TASP1: variants seen among roughly 807,000 people sequenced by gnomAD.
TASP1 encodes the protein taspase 1.
Under a neutral mutation model 56.6 loss-of-function variants are expected in TASP1, and 16 were observed. That is an observed-to-expected ratio of 0.28 (90% CI 0.19 to 0.43). The LOEUF (loss-of-function observed/expected upper bound fraction) is 0.43. Ranked by LOEUF, TASP1 falls within the 20% of genes least tolerant of loss-of-function variation. TASP1 has a pLI of 1.00. For missense variants in TASP1, 393 were observed against 511.6 expected (o/e 0.77, Z 2.24); for synonymous variants, 179 against 184.2 (o/e 0.97, Z 0.23).
At chr20:13,557,402 A>T (rs1395831867) in intron 8 of TASP1, among the ~76,000 whole-genome samples, 6 of 152,112 alleles carry the variant, frequency 3.9e-5, no homozygotes, top group African/African-American at 1.4e-4. Context: ...CATTTACTGT[A>T]ATAAAAATCA....
chr20:13,240,797 G>A, the TASP1 span, among the ~76,000 whole-genome samples: 2 of 152,214 alleles, frequency 1.3e-5, no homozygotes, highest in African/African-American at 2.4e-5. Context: ...ACAGTTCTGA[G>A]ACAGAGCCAA....
At chr20:13,371,069 C>T in the TASP1 span, among the ~76,000 whole-genome samples, 59 of 152,060 alleles carry the variant, frequency 3.9e-4, no homozygotes, top group Non-Finnish European at 6.2e-4. Context: ...TTTTTCTTGG[C>T]CGTTCTAGCT....
chr20:13,110,141 G>A, the TASP1 span: 69 of 1,613,344 alleles, frequency 4.3e-5, no homozygotes, highest in Non-Finnish European at 5.3e-5. Context: ...GCTCCTGAGA[G>A]ATGCTGTCAT....
the TASP1 span, among the ~76,000 whole-genome samples, chr20:13,106,271 G>A: frequency 2.0e-5 from 3 of 152,126 alleles, no homozygotes; most frequent in African/African-American, 7.2e-5. Context: ...CAATTATTAG[G>A]TAATGATTGA....
chr20:13,326,997 G>A, the TASP1 span, among the ~76,000 whole-genome samples: 8 of 152,032 alleles, frequency 5.3e-5, no homozygotes, highest in East Asian at 1.9e-4. Context: ...AAGCATATGC[G>A]AATAGGAAGA....
At chr20:13,155,037 T>C in the TASP1 span, among the ~76,000 whole-genome samples, 4 of 151,730 alleles carry the variant, frequency 2.6e-5, no homozygotes, top group Admixed American at 2.6e-4. Flanking sequence ...AAAAATTAGG[T>C]GGGCATGGTG....
At chr20:13,550,988 T>C (rs968960928) in intron 8 of TASP1, among the ~76,000 whole-genome samples, 3 of 152,066 alleles carry the variant, frequency 2.0e-5, no homozygotes, top group African/African-American at 7.2e-5. Flanking sequence ...TTCAAGATGG[T>C]GGATAAAAGG....
At chr20:13,621,214 A>G (rs1319244595) in intron 4 of TASP1, among the ~76,000 whole-genome samples, 1 of 142,020 alleles carries the variant, frequency 7.0e-6, no homozygotes, top group African/African-American at 2.5e-5. Context: ...ACCTGAGCTC[A>G]AGAGTTCAAG....
chr20:13,516,861 C>A (rs968314963), intron 10 of TASP1, among the ~76,000 whole-genome samples: 1 of 152,034 alleles, frequency 6.6e-6, no homozygotes, highest in African/African-American at 2.4e-5. Flanking sequence ...GAAAGACTTA[C>A]CTTCCTTCCA....
At chr20:13,573,804 T>A (rs2147162072) in intron 6 of TASP1, among the ~76,000 whole-genome samples, 1 of 152,282 alleles carries the variant, frequency 6.6e-6, no homozygotes, top group South Asian at 2.1e-4. Context: ...AGGACAGTAA[T>A]CCTTGAGAGA....
chr20:13,214,182 A>T, the TASP1 span, among the ~76,000 whole-genome samples: 3 of 152,308 alleles, frequency 2.0e-5, no homozygotes, highest in East Asian at 3.9e-4. Flanking sequence ...ATGTAGGAGG[A>T]TCTCCTTACT....
intron 8 of TASP1, among the ~76,000 whole-genome samples, chr20:13,536,604 T>C (rs1304924227): frequency 6.6e-6 from 1 of 152,214 alleles, no homozygotes; most frequent in Non-Finnish European, 1.5e-5. Flanking sequence ...TGAGTTTTTA[T>C]TGACAGACAT....
chr20:13,615,755 G>A (rs866042339), intron 4 of TASP1, among the ~76,000 whole-genome samples: 3 of 151,874 alleles, frequency 2.0e-5, no homozygotes, highest in Admixed American at 6.6e-5. Context: ...CGCCCGTCTC[G>A]GCCTCCCAAA....
chr20:13,348,123 A>G, the TASP1 span, among the ~76,000 whole-genome samples: 54 of 152,328 alleles, frequency 3.5e-4, no homozygotes, highest in African/African-American at 1.3e-3. Flanking sequence ...AGACTACAAA[A>G]TACCCTACAA....
At chr20:13,220,664 G>A in the TASP1 span, among the ~76,000 whole-genome samples, 1 of 152,198 alleles carries the variant, frequency 6.6e-6, no homozygotes, top group East Asian at 1.9e-4. Flanking sequence ...CAGGCTCTAC[G>A]GGGCGCCGCG....
chr20:13,303,422 A>G, the TASP1 span, among the ~76,000 whole-genome samples: 1 of 152,232 alleles, frequency 6.6e-6, no homozygotes, highest in Admixed American at 6.5e-5. Context: ...CAACATTTCT[A>G]AAAGATAGCC....
At chr20:13,628,974 C>T (rs1297381751) in intron 2 of TASP1, among the ~76,000 whole-genome samples, 2 of 152,284 alleles carry the variant, frequency 1.3e-5, no homozygotes, top group East Asian at 3.9e-4. Context: ...TAAGGGCCTA[C>T]TTAGGTGTTT....
chr20:13,449,949 T>C (rs1254718810), intron 11 of TASP1, among the ~76,000 whole-genome samples: 1 of 152,110 alleles, frequency 6.6e-6, no homozygotes, highest in Non-Finnish European at 1.5e-5. Flanking sequence ...CTCACTTGAA[T>C]GTACTTCTCT....
chr20:13,105,395 C>T, the TASP1 span, among the ~76,000 whole-genome samples: 1 of 152,132 alleles, frequency 6.6e-6, no homozygotes, highest in South Asian at 2.1e-4. Context: ...CAACGAAGTC[C>T]CTGACTTGGA....
Sources: gnomAD v4.1 joint callset for allele counts (sites outside exome capture counted in the v4.1 genomes callset) on GRCh38, gnomAD v4.1.1 for gene constraint, MANE v1.5 for transcripts, NCBI Gene and HGNC (gene_info 2026-07-23, HGNC 2026-07-21) for gene names.